Variants in RBFOX1 observed in about 807,000 individuals in gnomAD.
RBFOX1 encodes RNA binding protein fox-1 homolog 1.
RBFOX1 carries 8 observed loss-of-function variants against 57.7 expected under a neutral mutation model. The ratio of observed to expected loss-of-function variants is 0.14; its 90% confidence interval spans 0.08 to 0.25. RBFOX1 has a LOEUF of 0.25. RBFOX1 is among the 10% of genes least tolerant of loss of function. RBFOX1 has a pLI of 1.00. For synonymous variants in RBFOX1, 326 were observed against 222.4 expected (o/e 1.47, Z -4.15); for missense variants, 611 against 548.5 (o/e 1.11, Z -1.14).
At chr16:5,484,688 G>A (rs1052867990) in intron 2 of RBFOX1, among the ~76,000 whole-genome samples, 5 of 152,098 alleles carry the variant, frequency 3.3e-5, no homozygotes, top group East Asian at 1.9e-4. Flanking sequence ...TGAGGCGGGC[G>A]GGTCATGAGG....
chr16:7,039,399 G>T (rs1445000082), intron 3 of RBFOX1, among the ~76,000 whole-genome samples: 1 of 152,208 alleles, frequency 6.6e-6, no homozygotes, highest in African/African-American at 2.4e-5. Flanking sequence ...CATCGTGGGA[G>T]AGCTGGGTGT....
chr16:6,320,740 CT>C (rs2081672555), intron 2 of RBFOX1, among the ~76,000 whole-genome samples: 1 of 151,772 alleles, frequency 6.6e-6, no homozygotes, highest in Non-Finnish European at 1.5e-5. Context: ...TGAAAACTAA[CT>C]GAAAACTAAG....
At position 7,518,195 on chromosome 16, in the gene RBFOX1, G is replaced by C; in HGVS notation, c.76G>C (p.Ala26Pro). 2 of 1,613,976 alleles carry C rather than the reference G, an allele frequency of 1.2e-6. No homozygotes were observed. The highest frequency in any genetic ancestry group is 1.7e-6 in the Non-Finnish European group (2 of 1,179,960). ...AAPDTMAQPYASAQFAPPQNG... is the reference protein window; with the variant it reads ...AAPDTMAQPYPSAQFAPPQNG... ...CCCTGACACAATGGCTCAGCCTTAC[G>C]CTTCGGCCCAGTTTGCTCCCCCGCA... Residue 26 changes from alanine to proline, a missense_variant, in exon 5 of 16, where the codon GCT (alanine) becomes CCT (proline). Coordinates refer to ENST00000550418, the MANE Select transcript of RBFOX1 (RefSeq NM_018723.4).
At chr16:5,972,749 T>G (rs729533) in intron 4 of RBFOX1, among the ~76,000 whole-genome samples, 71,613 of 151,998 alleles carry the variant, frequency 0.47, 17,537 homozygotes, top group East Asian at 0.67. Context: ...GCTGCACGTG[T>G]TTCTCACCCT....
chr16:5,865,608 G>C (rs911307622), intron 3 of RBFOX1, among the ~76,000 whole-genome samples: 18 of 152,342 alleles, frequency 1.2e-4, no homozygotes, highest in African/African-American at 4.3e-4. Context: ...GCCAAAGCCA[G>C]GTCAGTGGGA....
intron 4 of RBFOX1, among the ~76,000 whole-genome samples, chr16:7,098,716 G>A (rs1206985291): frequency 6.6e-6 from 1 of 152,102 alleles, no homozygotes; most frequent in Non-Finnish European, 1.5e-5. Flanking sequence ...TTTGGAAACT[G>A]AGGCAGGAGG....
chr16:6,537,749 A>T (rs921868266), intron 2 of RBFOX1, among the ~76,000 whole-genome samples: 2 of 152,208 alleles, frequency 1.3e-5, no homozygotes, highest in Non-Finnish European at 2.9e-5. Context: ...ATAAGAGAAG[A>T]TAATGTGGTT....
chr16:5,754,289 A>T (rs1049776102), intron 3 of RBFOX1, among the ~76,000 whole-genome samples: 2 of 152,200 alleles, frequency 1.3e-5, no homozygotes, highest in Admixed American at 6.5e-5. Context: ...GTGTTAATCT[A>T]TGTAACATGT....
At chr16:7,127,474 G>C (rs746544339) in intron 4 of RBFOX1, among the ~76,000 whole-genome samples, 3 of 152,130 alleles carry the variant, frequency 2.0e-5, no homozygotes, top group African/African-American at 4.8e-5. Flanking sequence ...AATATGTTAA[G>C]AAATAAATAG....
chr16:6,322,192 C>G (rs1437770491), intron 2 of RBFOX1, among the ~76,000 whole-genome samples: 2 of 152,168 alleles, frequency 1.3e-5, no homozygotes, highest in Non-Finnish European at 2.9e-5. Context: ...TCTGGGAATT[C>G]TTTCTAGGTA....
chr16:5,551,457 T>C (rs375688610), intron 2 of RBFOX1, among the ~76,000 whole-genome samples: 9 of 152,198 alleles, frequency 5.9e-5, no homozygotes, highest in South Asian at 2.1e-4. Context: ...TAAATTGTGC[T>C]GCCTGCTGCA....
At chr16:6,265,838 G>C (rs1316911628) in intron 1 of RBFOX1, among the ~76,000 whole-genome samples, 2 of 152,132 alleles carry the variant, frequency 1.3e-5, no homozygotes, top group East Asian at 1.9e-4. Flanking sequence ...CTTCTGCCCA[G>C]ATTCTTCTTG....
At chr16:6,515,767 T>C (rs1021035771) in intron 2 of RBFOX1, among the ~76,000 whole-genome samples, 2 of 152,174 alleles carry the variant, frequency 1.3e-5, no homozygotes, top group African/African-American at 4.8e-5. Context: ...ATAAACATAC[T>C]TGCACCTGCT....
At chr16:7,023,609 T>C (rs1390967447) in intron 3 of RBFOX1, among the ~76,000 whole-genome samples, 1 of 115,588 alleles carries the variant, frequency 8.7e-6, no homozygotes, top group Non-Finnish European at 1.8e-5. Flanking sequence ...CTTGCCATAG[T>C]GGTACATGAC....
intron 4 of RBFOX1, among the ~76,000 whole-genome samples, chr16:7,194,642 T>C (rs1006048588): frequency 2.6e-5 from 4 of 152,166 alleles, no homozygotes; most frequent in Non-Finnish European, 4.4e-5. Context: ...AAGTGGTGAA[T>C]TTAGCCCAGG....
intron 4 of RBFOX1, among the ~76,000 whole-genome samples, chr16:7,347,516 T>C (rs902210931): frequency 1.3e-5 from 2 of 152,088 alleles, no homozygotes; most frequent in African/African-American, 2.4e-5. Flanking sequence ...TCGTGGGAGA[T>C]ACAATTCAAG....
At chr16:5,331,111 A>G (rs28582541) in intron 1 of RBFOX1, among the ~76,000 whole-genome samples, 11,878 of 152,130 alleles carry the variant, frequency 0.078, 1,541 homozygotes, top group African/African-American at 0.27. Flanking sequence ...GTAAACCCAC[A>G]CATTACCATG....
At chr16:7,098,293 C>A (rs1449273597) in intron 4 of RBFOX1, among the ~76,000 whole-genome samples, 2 of 152,150 alleles carry the variant, frequency 1.3e-5, no homozygotes, top group African/African-American at 4.8e-5. Context: ...TCTCAGCCAC[C>A]AGAGTAGCTG....
chr16:5,592,787 C>T (rs1255942996), intron 2 of RBFOX1, among the ~76,000 whole-genome samples: 1 of 152,218 alleles, frequency 6.6e-6, no homozygotes, highest in Admixed American at 6.5e-5. Flanking sequence ...ATAGGCTCCT[C>T]AGCCTGCTTG....
Sources: gnomAD v4.1 joint callset for allele counts (sites outside exome capture counted in the v4.1 genomes callset) on GRCh38, gnomAD v4.1.1 for gene constraint, MANE v1.5 for transcripts, NCBI Gene and HGNC (gene_info 2026-07-23, HGNC 2026-07-21) for gene names.